The following HIBADH variants were observed in gnomAD, a reference collection of about 807,000 sequenced individuals.
HIBADH encodes 3-hydroxyisobutyrate dehydrogenase, also known as 3-hydroxyisobutyrate dehydrogenase, mitochondrial.
In HIBADH, 25 loss-of-function variants were observed where a neutral mutation model predicts 36.1. That is an observed-to-expected ratio of 0.69 (90% confidence interval 0.50 to 0.97). The LOEUF is 0.97. Ranked by LOEUF, HIBADH falls within the 50% of genes least tolerant of loss-of-function variation. The pLI, the probability that HIBADH is intolerant of heterozygous loss-of-function variation, is 0.00. For missense variants in HIBADH, 421 were observed against 418.0 expected (o/e 1.01, Z -0.06); for synonymous variants, 160 against 149.5 (o/e 1.07, Z -0.51).
chr7:27,600,597 T>G (rs1410355796), intron 4 of HIBADH, among the ~76,000 whole-genome samples: 1 of 152,116 alleles, frequency 6.6e-6, no homozygotes, highest in Non-Finnish European at 1.5e-5. Flanking sequence ...TACTCATCCT[T>G]TTCGAAACCT....
chr7:27,660,109 G>T (rs997221702), intron 1 of HIBADH, among the ~76,000 whole-genome samples: 3 of 152,024 alleles, frequency 2.0e-5, no homozygotes, highest in Admixed American at 2.0e-4. Context: ...GCAACTTTCA[G>T]GTTTCATTTT....
intron 4 of HIBADH, among the ~76,000 whole-genome samples, chr7:27,618,024 CCT>C (rs1785463368): frequency 6.6e-6 from 1 of 152,240 alleles, no homozygotes. Flanking sequence ...CTGAGAGCTC[CCT>C]GTCTGGGGCT....
chr7:27,619,844 A>G (rs550443622), intron 4 of HIBADH, among the ~76,000 whole-genome samples: 3 of 152,364 alleles, frequency 2.0e-5, no homozygotes, highest in Non-Finnish European at 2.9e-5. Flanking sequence ...TATACAAATC[A>G]TCAGTATCTC....
chr7:27,577,676 T>C (rs533307831), intron 4 of HIBADH, among the ~76,000 whole-genome samples: 34 of 152,316 alleles, frequency 2.2e-4, no homozygotes, highest in African/African-American at 7.9e-4. Flanking sequence ...AAAAGGATTA[T>C]ATATCCCTTC....
In HIBADH at chr7:27,565,720, C is replaced by A. The variant is rs538702433; in HGVS notation, c.485-22620G>T. 6.1e-4 allele frequency among the ~76,000 whole-genome samples: 93 copies of A among 152,218 alleles called. 1 individual carries two copies. The South Asian group carries it at 8.1e-3, about 13-fold the overall frequency. ...GAGTAGATATCCTGTGTTGTCTGATCTCAGGGGGAAAGCATTTAGTCTTTC... is the reference window on the plus strand; with the variant it reads ...GAGTAGATATCCTGTGTTGTCTGATATCAGGGGGAAAGCATTTAGTCTTTC... On this transcript the variant is annotated intron_variant, in intron 4 of 7. Transcript: ENST00000265395.
At chr7:27,544,971 C>T (rs1040966476) in intron 4 of HIBADH, among the ~76,000 whole-genome samples, 1 of 152,202 alleles carries the variant, frequency 6.6e-6, no homozygotes, top group Admixed American at 6.5e-5. Context: ...TCGACTCTTT[C>T]CTCATATTGA....
chr7:27,646,111 A>C (rs1276067489), intron 2 of HIBADH, among the ~76,000 whole-genome samples: 3 of 152,184 alleles, frequency 2.0e-5, no homozygotes, highest in Non-Finnish European at 4.4e-5. Flanking sequence ...GTGGGCCACT[A>C]TTCAACCCAC....
chr7:27,529,476 T>C (rs897023120), intron 7 of HIBADH, among the ~76,000 whole-genome samples: 1 of 152,174 alleles, frequency 6.6e-6, no homozygotes, highest in African/African-American at 2.4e-5. Context: ...ATGGATAACT[T>C]TGAGGCCTTT....
intron 1 of HIBADH, among the ~76,000 whole-genome samples, chr7:27,653,461 C>T (rs1016703511): frequency 1.8e-4 from 27 of 152,120 alleles, no homozygotes; most frequent in Admixed American, 1.3e-3. Context: ...ACCGGCCGGG[C>T]GTGGTGGCTC....
intron 4 of HIBADH, among the ~76,000 whole-genome samples, chr7:27,582,906 A>C (rs1784813925): frequency 6.6e-6 from 1 of 152,142 alleles, no homozygotes. Flanking sequence ...CCACATCAGT[A>C]AAATGGGGAT....
At chr7:27,576,354 C>T (rs1219112117) in intron 4 of HIBADH, among the ~76,000 whole-genome samples, 1 of 151,956 alleles carries the variant, frequency 6.6e-6, no homozygotes, top group East Asian at 1.9e-4. Context: ...TGATGGAGGG[C>T]CAACATCAGA....
At chr7:27,620,451 T>A (rs995131367) in intron 4 of HIBADH, among the ~76,000 whole-genome samples, 3 of 151,706 alleles carry the variant, frequency 2.0e-5, no homozygotes, top group Non-Finnish European at 4.4e-5. Context: ...AATAGGATGA[T>A]ATATTCAAAG....
chr7:27,635,082 G>C (rs1785814906), intron 2 of HIBADH, among the ~76,000 whole-genome samples: 1 of 97,582 alleles, frequency 1.0e-5, no homozygotes, highest in Non-Finnish European at 2.0e-5. Flanking sequence ...CTCTCTCTCT[G>C]TGCATGTGTG....
intron 2 of HIBADH, among the ~76,000 whole-genome samples, chr7:27,641,349 T>C (rs1372388711): frequency 6.6e-6 from 1 of 152,200 alleles, no homozygotes; most frequent in Non-Finnish European, 1.5e-5. Flanking sequence ...TGGGCTTGTT[T>C]TCTTTGGCTC....
intron 2 of HIBADH, among the ~76,000 whole-genome samples, chr7:27,640,035 G>A (rs1443126845): frequency 6.6e-6 from 1 of 152,192 alleles, no homozygotes; most frequent in Non-Finnish European, 1.5e-5. Context: ...AGAGACGTAA[G>A]CATAGGACTT....
chr7:27,552,159 A>G (rs1220459997), intron 4 of HIBADH, among the ~76,000 whole-genome samples: 1 of 152,170 alleles, frequency 6.6e-6, no homozygotes, highest in African/African-American at 2.4e-5. Flanking sequence ...GCCGTGCACA[A>G]TCAGTTTAGA....
intron 4 of HIBADH, among the ~76,000 whole-genome samples, chr7:27,582,468 G>A (rs904992116): frequency 1.3e-5 from 2 of 152,130 alleles, no homozygotes; most frequent in Non-Finnish European, 2.9e-5. Context: ...GTAAGGGATT[G>A]TGGGACTATG....
At chr7:27,587,486 A>C (rs534246806) in intron 4 of HIBADH, among the ~76,000 whole-genome samples, 1 of 152,192 alleles carries the variant, frequency 6.6e-6, no homozygotes, top group Non-Finnish European at 1.5e-5. Context: ...AGTAGCTTTT[A>C]CTAATACCTA....
chr7:27,559,446 A>C (rs765399317), intron 4 of HIBADH, among the ~76,000 whole-genome samples: 11 of 152,038 alleles, frequency 7.2e-5, no homozygotes, highest in Non-Finnish European at 1.5e-4. Context: ...AAAAAGCAAG[A>C]TCTCATCTCT....
Sources: allele counts gnomAD v4.1 joint callset (sites outside exome capture counted in the v4.1 genomes callset), GRCh38; gene constraint gnomAD v4.1.1; transcripts MANE v1.5; gene names NCBI Gene and HGNC (gene_info 2026-07-23, HGNC 2026-07-21).